The following COL24A1 variants were observed in gnomAD, a reference collection of about 807,000 sequenced individuals.
The protein encoded by COL24A1 is collagen alpha-1(XXIV) chain.
A neutral mutation model predicts 253.9 loss-of-function variants in COL24A1; 224 were observed. The ratio of observed to expected loss-of-function variants is 0.88; its 90% CI spans 0.79 to 0.99. The LOEUF (loss-of-function observed/expected upper bound fraction) is 0.99, where lower values mean the gene tolerates loss of function less well. Ranked by LOEUF, COL24A1 falls within the 50% of genes least tolerant of loss-of-function variation. The probability of loss-of-function intolerance (pLI) is 0.00; values close to 1 mark genes in which losing one functional copy is unlikely to be tolerated. For missense variants in COL24A1, 2,131 were observed against 2,068.5 expected, an observed-to-expected ratio of 1.03 and a Z score of -0.59; for synonymous variants, 685 against 673.7, an observed-to-expected ratio of 1.02 and a Z score of -0.26.
At chr1:85,851,068 T>A (rs1677717613) in intron 37 of COL24A1, among the ~76,000 whole-genome samples, 1 of 150,866 alleles carries the variant, frequency 6.6e-6, no homozygotes, top group African/African-American at 2.4e-5. Context: ...AAACATATAC[T>A]TATCCAAACT....
chr1:86,107,365 G>A (rs2102099009), intron 5 of COL24A1, among the ~76,000 whole-genome samples: 1 of 152,226 alleles, frequency 6.6e-6, no homozygotes, highest in South Asian at 2.1e-4. Flanking sequence ...GCAGATATTA[G>A]ATAAAAGAGG....
intron 37 of COL24A1, among the ~76,000 whole-genome samples, chr1:85,867,098 T>C (rs1197334345): frequency 1.3e-5 from 2 of 152,242 alleles, no homozygotes; most frequent in African/African-American, 4.8e-5. Context: ...AGCTAGTTTG[T>C]GTTTCATTTA....
At chr1:85,830,880 C>G (rs1675170897) in intron 43 of COL24A1, among the ~76,000 whole-genome samples, 1 of 152,140 alleles carries the variant, frequency 6.6e-6, no homozygotes, top group African/African-American at 2.4e-5. Flanking sequence ...AATCACCTGT[C>G]TTCTGCGTTG....
At chr1:85,844,818 C>T (rs1219429376) in intron 39 of COL24A1, among the ~76,000 whole-genome samples, 1 of 151,842 alleles carries the variant, frequency 6.6e-6, no homozygotes, top group East Asian at 1.9e-4. Context: ...AGATCTACTG[C>T]TAATAAAATA....
intron 19 of COL24A1, among the ~76,000 whole-genome samples, chr1:86,005,602 A>C (rs1330615930): frequency 6.6e-6 from 1 of 152,118 alleles, no homozygotes; most frequent in Non-Finnish European, 1.5e-5. Flanking sequence ...AAGAAATAAC[A>C]GACCTTAATA....
At chr1:85,776,214 G>A (rs1472404805) in intron 52 of COL24A1, among the ~76,000 whole-genome samples, 1 of 152,094 alleles carries the variant, frequency 6.6e-6, no homozygotes, top group Non-Finnish European at 1.5e-5. Context: ...ATTTAGAAGT[G>A]TGTGATTTAA....
rs1208676831 is a variant in COL24A1, at chr1:85,766,931, C to T, written c.4375-5365G>A. Reference sequence around the variant, plus strand: ...CATCCTGGCTAACACAGTGAAACCTCGTTTCTACTAAAAATACAAAAAATT... The same window carrying T: ...CATCCTGGCTAACACAGTGAAACCTTGTTTCTACTAAAAATACAAAAAATT... On this transcript the variant is annotated intron_variant, in intron 53 of 59. Transcript: ENST00000370571. Among the ~76,000 whole-genome samples, 5 of 151,924 alleles carry T rather than the reference C, an allele frequency of 3.3e-5. 1 individual carries two copies. The highest frequency in any genetic ancestry group is 2.1e-4 in the South Asian group (1 of 4,814).
chr1:86,114,414 T>C lies in COL24A1; in HGVS notation c.1545+911A>G, dbSNP rs931267218. Reference sequence around the variant, plus strand: ...ATAGGGAATAGAATTAGTATGAAAATTGGCCCAGTTTCTCAGAAAAATAGG... The same window carrying C: ...ATAGGGAATAGAATTAGTATGAAAACTGGCCCAGTTTCTCAGAAAAATAGG... On this transcript the variant is annotated intron_variant, in intron 4 of 59. Transcript: ENST00000370571. 2.0e-5 allele frequency among the ~76,000 whole-genome samples: 3 copies of C among 152,222 alleles called. No individual in the cohort carries two copies. In the South Asian group the frequency reaches 6.2e-4, roughly 32 times the overall value.
In COL24A1 at chr1:86,126,112, AC is replaced by A. The variant is rs763529703; in HGVS notation, c.223del (p.Val75SerfsTer3). The A allele has an allele frequency of 6.2e-7, 1 of 1,612,650 alleles. No homozygotes were observed. The highest frequency in any genetic ancestry group is 1.7e-5 in the Admixed American group (1 of 59,832). Reference protein sequence around the residue: ...PSASTPLPQGVHLTESGVIFK... With the variant: ...PSASTPLPQGXHLTESGVIFK... ...AATGACTCCTGATTCTGTTAAATGG[AC>A]CCCCTGAGGTAACGGTGTAGATGCT... On this transcript the variant is annotated frameshift_variant, in exon 3 of 60. Coordinates refer to ENST00000370571, the MANE Select transcript of COL24A1 (RefSeq NM_152890.7). LOFTEE classifies it high-confidence loss of function.
intron 8 of COL24A1, among the ~76,000 whole-genome samples, chr1:86,063,326 T>C (rs1701229741): frequency 6.6e-6 from 1 of 151,640 alleles, no homozygotes; most frequent in Non-Finnish European, 1.5e-5. Flanking sequence ...GGTAAGTTCC[T>C]GACATTGTAC....
rs1028598786 is a variant in COL24A1 at position 85,868,781 on chromosome 1, C to T, written c.3192+1G>A. 1 of 1,562,230 alleles carries T rather than the reference C, an allele frequency of 6.4e-7. No individual in the cohort carries two copies. The highest frequency in any genetic ancestry group is 8.7e-7 in the Non-Finnish European group (1 of 1,148,374). On this transcript the variant is annotated splice_donor_variant, in intron 36 of 59. Transcript: ENST00000370571. LOFTEE classifies it high-confidence loss of function. ...TATATAATCTTAAAAGTATAATTTA[C>T]CTTTAACCCATCTTTTCCCTGGAGA...
intron 5 of COL24A1, 34 bp from the exon 6 acceptor site, chr1:86,092,354 C>A (rs773568095): frequency 1.4e-6 from 2 of 1,462,794 alleles, no homozygotes; most frequent in South Asian, 2.3e-5. Context: ...GTTGGTGAAG[C>A]ATAAGTTGCA....
rs548029245 is a variant in COL24A1 at position 85,806,904 on chromosome 1, G to C, written c.3951+9884C>G. Among the ~76,000 whole-genome samples the C allele has an allele frequency of 3.3e-5, 5 of 152,318 alleles. No homozygotes were observed. In the South Asian group the frequency reaches 6.2e-4, roughly 19 times the overall value. On this transcript the variant is annotated intron_variant, in intron 47 of 59. Transcript: ENST00000370571. ...GTAGTCACAAGGCAGATATGACTGA[G>C]AACCCAACCCACTGTAAGGCTTGCA...
At chr1:85,771,303 C>T (rs1468240048) in intron 53 of COL24A1, among the ~76,000 whole-genome samples, 1 of 151,926 alleles carries the variant, frequency 6.6e-6, no homozygotes, top group Non-Finnish European at 1.5e-5. Flanking sequence ...TCCCTGTGTC[C>T]ATGTGTTCTC....
At chr1:86,147,098 G>T (rs531422960) in intron 1 of COL24A1, among the ~76,000 whole-genome samples, 1 of 152,026 alleles carries the variant, frequency 6.6e-6, no homozygotes, top group East Asian at 1.9e-4. Context: ...ATGCAGTTCC[G>T]CAAGGAGTGA....
intron 28 of COL24A1, among the ~76,000 whole-genome samples, chr1:85,903,339 T>G (rs1684503156): frequency 6.6e-6 from 1 of 152,222 alleles, no homozygotes; most frequent in Admixed American, 6.5e-5. Flanking sequence ...GCTAATTAAC[T>G]GAAAGCTTAG....
chr1:85,801,887 A>G (rs1014927808), intron 47 of COL24A1, among the ~76,000 whole-genome samples: 1 of 152,204 alleles, frequency 6.6e-6, no homozygotes, highest in Non-Finnish European at 1.5e-5. Context: ...GGCAGACATC[A>G]CAAGGTATTA....
At chr1:85,821,759 A>T (rs917116952) in intron 45 of COL24A1, among the ~76,000 whole-genome samples, 2 of 152,208 alleles carry the variant, frequency 1.3e-5, no homozygotes, top group Non-Finnish European at 2.9e-5. Context: ...ACACGCAGGG[A>T]TTGTTGACCA....
intron 43 of COL24A1, 122 bp from the exon 44 acceptor site, chr1:85,823,860 TATG>T: frequency 3.6e-6 from 3 of 829,604 alleles, no homozygotes; most frequent in Non-Finnish European, 5.8e-6. Flanking sequence ...TCGTAGAGAT[TATG>T]ATTCTTCTTG....
Sources: gnomAD v4.1 joint callset for allele counts (sites outside exome capture counted in the v4.1 genomes callset) on GRCh38, gnomAD v4.1.1 for gene constraint, MANE v1.5 for transcripts, NCBI Gene and HGNC (gene_info 2026-07-23, HGNC 2026-07-21) for gene names.